Variants in ERICH1 observed in about 807,000 individuals in gnomAD.
The protein encoded by ERICH1 is glutamate rich 1.
In ERICH1, 56 loss-of-function variants were observed where a neutral mutation model predicts 39.6. The observed-to-expected ratio is 1.41, with a 90% CI of 1.14 to 1.77. The LOEUF (loss-of-function observed/expected upper bound fraction) is 1.77. Among genes scored for constraint, ERICH1 ranks in the 40% most tolerant of loss-of-function variants. ERICH1 has a pLI of 0.00. For missense variants in ERICH1, 826 were observed against 575.4 expected (o/e 1.44, Z -4.45); for synonymous variants, 313 against 223.6 (o/e 1.40, Z -3.57).
intron 2 of ERICH1, among the ~76,000 whole-genome samples, chr8:712,955 C>A (rs1468865134): frequency 6.6e-6 from 1 of 152,238 alleles, no homozygotes; most frequent in African/African-American, 2.4e-5. Context: ...GCTGCCACTA[C>A]AAAGCCCCAC....
At chr8:635,681 C>T (rs1364394632) in intron 3 of ERICH1, among the ~76,000 whole-genome samples, 1 of 152,232 alleles carries the variant, frequency 6.6e-6, no homozygotes, top group Non-Finnish European at 1.5e-5. Flanking sequence ...TCATGACTGG[C>T]TTCCCAAGCA....
At chr8:710,580 C>G (rs1017760734) in intron 2 of ERICH1, among the ~76,000 whole-genome samples, 3 of 152,264 alleles carry the variant, frequency 2.0e-5, no homozygotes, top group Admixed American at 6.5e-5. Flanking sequence ...TTTTTGGGGT[C>G]TCCTCAGTTT....
intron 3 of ERICH1, among the ~76,000 whole-genome samples, chr8:679,852 G>C (rs1264355930): frequency 6.7e-6 from 1 of 149,338 alleles, no homozygotes; most frequent in Non-Finnish European, 1.5e-5. Context: ...TGTGAACACA[G>C]AAGATGCAAG....
In ERICH1 at chr8:643,548, C is replaced by T. The variant is rs1275941313; in HGVS notation, c.976+25050G>A. Among the ~76,000 whole-genome samples the T allele has an allele frequency of 3.3e-5, 5 of 152,292 alleles. No homozygotes were observed. In the East Asian group the frequency reaches 9.7e-4, roughly 29 times the overall value. ...GAAGCCCCGCCCCTCCTGCCCCTGC[C>T]GGCTGGGCCCTGGCAGCTCCCCCTA... On this transcript the variant is annotated intron_variant, in intron 3 of 3. Transcript: ENST00000522706.
At chr8:696,059 G>A (rs111161367) in intron 2 of ERICH1, among the ~76,000 whole-genome samples, 1,226 of 5,340 alleles carry the variant, frequency 0.23, 493 homozygotes, top group Non-Finnish European at 0.38. Context: ...ATCAACCTGC[G>A]CCTGTGCTGG....
At chr8:656,700 C>T (rs921964013) in intron 3 of ERICH1, 36 of 965,210 alleles carry the variant, frequency 3.7e-5, no homozygotes, top group East Asian at 1.1e-4. Context: ...TCCCCATTCA[C>T]GCTGTGTCTT....
At chr8:622,486 T>C (rs1180811272) in intron 3 of ERICH1, among the ~76,000 whole-genome samples, 1 of 152,188 alleles carries the variant, frequency 6.6e-6, no homozygotes, top group East Asian at 1.9e-4. Context: ...AACGAAGCTT[T>C]TCTAGATACT....
At position 719,450 on chromosome 8, in the gene ERICH1, T is replaced by A. The variant is rs143053722; in HGVS notation, c.23-3443A>T. Among the ~76,000 whole-genome samples the A allele has an allele frequency of 2.4e-4, 37 of 152,374 alleles. No homozygotes were observed. In the East Asian group the frequency reaches 5.4e-3, roughly 22 times the overall value. On this transcript the variant is annotated intron_variant, in intron 1 of 5. Transcript: ENST00000262109. ...CTGCAGATGGGCGCTGGTGCCCACATCTGGCTGAGATGCTTCTCTCAGCTG... is the reference window on the plus strand; with the variant it reads ...CTGCAGATGGGCGCTGGTGCCCACAACTGGCTGAGATGCTTCTCTCAGCTG...
chr8:630,711 A>T (rs868274057), intron 3 of ERICH1, among the ~76,000 whole-genome samples: 9 of 93,726 alleles, frequency 9.6e-5, no homozygotes, highest in South Asian at 4.2e-4. Context: ...CAGAGCTGAC[A>T]CACACCCTCC....
chr8:641,014 C>T (rs933846207), intron 3 of ERICH1: 4 of 152,290 alleles, frequency 2.6e-5, no homozygotes, highest in Admixed American at 1.3e-4. Flanking sequence ...ACGTGGGATT[C>T]GCCCTGATGC....
chr8:651,043 G>A (rs1703911), intron 3 of ERICH1, among the ~76,000 whole-genome samples: 58,612 of 152,164 alleles, frequency 0.39, 11,571 homozygotes, highest in Middle Eastern at 0.47. Flanking sequence ...CAGGGGTTCA[G>A]TGGTTTAAGG....
At chr8:677,107 T>C (rs554742413) in intron 3 of ERICH1, among the ~76,000 whole-genome samples, 77 of 152,318 alleles carry the variant, frequency 5.1e-4, no homozygotes, top group Admixed American at 1.8e-3. Flanking sequence ...ACAGGAACCC[T>C]GCAGAGGGTG....
chr8:629,842 C>G (rs1278175164), intron 3 of ERICH1, among the ~76,000 whole-genome samples: 2 of 139,700 alleles, frequency 1.4e-5, no homozygotes, highest in Admixed American at 6.9e-5. Context: ...TGACACACAC[C>G]CTCCCGTGAC....
chr8:637,763 G>A (rs965566386), intron 3 of ERICH1, among the ~76,000 whole-genome samples: 1 of 152,224 alleles, frequency 6.6e-6, no homozygotes, highest in African/African-American at 2.4e-5. Context: ...AGAAGCCACG[G>A]CTGCTCAGTT....
chr8:674,511 C>A lies in ERICH1; in HGVS notation c.305-464G>T, dbSNP rs541642875. Among the ~76,000 whole-genome samples, 5 of 152,132 alleles carry A rather than the reference C, an allele frequency of 3.3e-5. No individual in the cohort carries two copies. In the East Asian group the frequency reaches 7.7e-4, roughly 24 times the overall value. On this transcript the variant is annotated intron_variant, in intron 3 of 5. Coordinates refer to ENST00000262109, the MANE Select transcript of ERICH1 (RefSeq NM_207332.3). ...TAGAGACGGGGTTTCGCCATGTTGG[C>A]CAGGGTTGTCTCAAACTCCTGGTCT...
At chr8:639,841 A>C (rs59936208) in intron 3 of ERICH1, among the ~76,000 whole-genome samples, 1 of 117,792 alleles carries the variant, frequency 8.5e-6, no homozygotes, top group Non-Finnish European at 1.8e-5. Context: ...CAGACACACC[A>C]AGCACCCTGG....
At chr8:656,450 T>C (rs1800672628) in intron 3 of ERICH1, among the ~76,000 whole-genome samples, 1 of 152,244 alleles carries the variant, frequency 6.6e-6, no homozygotes, top group Non-Finnish European at 1.5e-5. Context: ...CTGTCATCTC[T>C]ATGTTTGTTT....
intron 3 of ERICH1, among the ~76,000 whole-genome samples, chr8:687,852 C>G (rs1305159512): frequency 1.3e-5 from 2 of 152,150 alleles, no homozygotes; most frequent in African/African-American, 4.8e-5. Flanking sequence ...GCAGCGGTCC[C>G]GCCCCGAGAA....
chr8:700,349 GCA>G (rs2132182683), intron 2 of ERICH1, among the ~76,000 whole-genome samples: 1 of 74,714 alleles, frequency 1.3e-5, no homozygotes, highest in African/African-American at 4.0e-5. Context: ...GCACAGATCC[GCA>G]CACGCGCACA....
Sources: gnomAD v4.1 joint callset for allele counts (sites outside exome capture counted in the v4.1 genomes callset) on GRCh38, gnomAD v4.1.1 for gene constraint, MANE v1.5 for transcripts, NCBI Gene and HGNC (gene_info 2026-07-23, HGNC 2026-07-21) for gene names.